Variants in FBXL7 observed in about 807,000 individuals in gnomAD.
FBXL7 encodes the protein F-box and leucine rich repeat protein 7, also known as F-box/LRR-repeat protein 7.
FBXL7 carries 12 observed loss-of-function variants against 38.3 expected under a neutral mutation model. The ratio of observed to expected loss-of-function variants is 0.31; its 90% CI spans 0.20 to 0.51. The LOEUF is 0.51. Among genes scored for constraint, FBXL7 ranks in the 20% least tolerant of loss-of-function variants. The pLI is 0.98. For synonymous variants in FBXL7, 297 were observed against 300.9 expected (o/e 0.99, Z 0.13); for missense variants, 567 against 676.4 (o/e 0.84, Z 1.79).
chr5:15,815,979 TA>T (rs1200378462), intron 2 of FBXL7, among the ~76,000 whole-genome samples: 3 of 152,162 alleles, frequency 2.0e-5, no homozygotes, highest in Admixed American at 2.0e-4. Context: ...ATGATTTAGA[TA>T]GAAGTCATAA....
intron 2 of FBXL7, among the ~76,000 whole-genome samples, chr5:15,873,121 A>C (rs773898601): frequency 4.6e-5 from 7 of 152,324 alleles, no homozygotes; most frequent in Non-Finnish European, 8.8e-5. Flanking sequence ...CTCAGGATTA[A>C]GAAACTCACT....
chr5:15,660,604 C>T (rs773361692), intron 2 of FBXL7, among the ~76,000 whole-genome samples: 35 of 152,268 alleles, frequency 2.3e-4, no homozygotes, highest in Non-Finnish European at 7.4e-5. Flanking sequence ...GTGATCTGCC[C>T]GTCTTGGCCT....
chr5:15,751,555 A>C (rs942026129), intron 2 of FBXL7, among the ~76,000 whole-genome samples: 6 of 152,232 alleles, frequency 3.9e-5, no homozygotes, highest in Non-Finnish European at 8.8e-5. Context: ...TGACTCATTT[A>C]TAAGAATAGT....
At chr5:15,845,994 TAAATG>T (rs1448178306) in intron 2 of FBXL7, among the ~76,000 whole-genome samples, 2 of 152,088 alleles carry the variant, frequency 1.3e-5, no homozygotes, top group Admixed American at 6.5e-5. Flanking sequence ...TAAAAATACA[TAAATG>T]AATAAAGTAA....
At chr5:15,757,164 T>C (rs1046182186) in intron 2 of FBXL7, among the ~76,000 whole-genome samples, 21 of 152,194 alleles carry the variant, frequency 1.4e-4, no homozygotes. Context: ...TTTCAAGTTC[T>C]GTGTCTTACT....
At chr5:15,506,083 C>T (rs1216059888) in intron 1 of FBXL7, among the ~76,000 whole-genome samples, 1 of 152,050 alleles carries the variant, frequency 6.6e-6, no homozygotes, top group South Asian at 2.1e-4. Flanking sequence ...TTCATTCTTA[C>T]TGTAAATCTT....
At chr5:15,813,511 C>T (rs903882870) in intron 2 of FBXL7, among the ~76,000 whole-genome samples, 2 of 152,004 alleles carry the variant, frequency 1.3e-5, no homozygotes, top group Admixed American at 6.6e-5. Context: ...AGGACATAGG[C>T]ATGGGCAAGG....
chr5:15,736,984 A>G (rs1735774622), intron 2 of FBXL7, among the ~76,000 whole-genome samples: 1 of 152,150 alleles, frequency 6.6e-6, no homozygotes, highest in Admixed American at 6.5e-5. Flanking sequence ...TATAACACCT[A>G]TAACAACTCA....
At chr5:15,781,448 T>C (rs199801163) in intron 2 of FBXL7, among the ~76,000 whole-genome samples, 266 of 151,542 alleles carry the variant, frequency 1.8e-3, no homozygotes, top group African/African-American at 4.8e-3. Context: ...TGTGTGTGTG[T>C]GCGCGCGCGT....
At chr5:15,537,853 T>C (rs933136948) in intron 1 of FBXL7, among the ~76,000 whole-genome samples, 1 of 152,202 alleles carries the variant, frequency 6.6e-6, no homozygotes, top group Non-Finnish European at 1.5e-5. Context: ...GACCAGCTCT[T>C]GTCAGAAAAA....
At chr5:15,527,699 T>C (rs1480942693) in intron 1 of FBXL7, among the ~76,000 whole-genome samples, 1 of 152,204 alleles carries the variant, frequency 6.6e-6, no homozygotes, top group African/African-American at 2.4e-5. Context: ...GTTGTATGGT[T>C]CATAAGCTTT....
In FBXL7 at chr5:15,936,366, G is replaced by A; in HGVS notation, c.740-84G>A. The stretch of plus-strand genomic sequence containing the variant: ...AGCCTCGGACCCAGACTTGGGCGAG[G>A]GTCAGGAATGCCCCAGGGCATCCCC... On this transcript the variant is annotated intron_variant, in intron 3 of 3. Transcript: ENST00000504595. The surrounding 1 kb of genome is among the most constrained non-coding windows in gnomAD (Gnocchi z 6.0). The A allele has an allele frequency of 6.6e-7, 1 of 1,511,946 alleles. No individual in the cohort carries two copies. Among genetic ancestry groups the A allele is most frequent in the Non-Finnish European group, 8.9e-7 (1 of 1,125,908 alleles). 93.7% of individuals were successfully genotyped at this position (1,511,946 alleles called of 1,614,324 possible).
intron 2 of FBXL7, among the ~76,000 whole-genome samples, chr5:15,836,594 G>A (rs1738598011): frequency 6.6e-6 from 1 of 152,162 alleles, no homozygotes; most frequent in Non-Finnish European, 1.5e-5. Context: ...AAGCTTCTAG[G>A]TGGGAGTGTG....
intron 1 of FBXL7, among the ~76,000 whole-genome samples, chr5:15,559,477 A>G (rs1243726651): frequency 6.6e-6 from 1 of 152,234 alleles, no homozygotes; most frequent in Non-Finnish European, 1.5e-5. Flanking sequence ...ATTTAAATTT[A>G]TAAATGGAGA....
At chr5:15,616,352 A>G (rs1740451937) in intron 2 of FBXL7, among the ~76,000 whole-genome samples, 1 of 152,210 alleles carries the variant, frequency 6.6e-6, no homozygotes, top group African/African-American at 2.4e-5. Flanking sequence ...AGGCTTTACA[A>G]TATCATATAC....
intron 1 of FBXL7, among the ~76,000 whole-genome samples, chr5:15,597,439 T>C (rs576906772): frequency 3.3e-5 from 5 of 151,138 alleles, no homozygotes; most frequent in East Asian, 1.9e-4. Context: ...AGTAAGCTTA[T>C]TCTGCCTGTC....
chr5:15,906,105 T>A (rs993269849), intron 2 of FBXL7, among the ~76,000 whole-genome samples: 1 of 152,108 alleles, frequency 6.6e-6, no homozygotes, highest in African/African-American at 2.4e-5. Flanking sequence ...GAAAAGTGGT[T>A]CTAAATAAAG....
At chr5:15,745,651 G>A (rs1052616325) in intron 2 of FBXL7, among the ~76,000 whole-genome samples, 1 of 152,148 alleles carries the variant, frequency 6.6e-6, no homozygotes, top group Non-Finnish European at 1.5e-5. Context: ...GCAGAAGGAA[G>A]CAAAATTCAA....
chr5:15,500,234 C>G lies in FBXL7; in HGVS notation c.-443C>G, dbSNP rs535016943. 1 of 152,036 alleles carries G rather than the reference C, an allele frequency of 6.6e-6. No homozygotes were observed. The highest frequency in any genetic ancestry group is 2.0e-4 in the East Asian group (1 of 5,116). The allele number at this position is 152,036 out of a possible 1,614,324, so 9.4% of individuals were successfully genotyped here. On this transcript the variant is annotated 5_prime_UTR_variant, in exon 1 of 4. Coordinates refer to ENST00000504595, the MANE Select transcript of FBXL7 (RefSeq NM_012304.5). ...GGACCCGCAACAAGTGGCCGCCGCG[C>G]CCTCCCCGGGGAAGCCGCGGGCGCG...
Sources: allele counts gnomAD v4.1 joint callset (sites outside exome capture counted in the v4.1 genomes callset), GRCh38; gene constraint gnomAD v4.1.1; non-coding constraint Gnocchi (gnomAD v3.1); transcripts MANE v1.5; gene names NCBI Gene and HGNC (gene_info 2026-07-23, HGNC 2026-07-21).